Variants in RET observed in about 807,000 individuals in gnomAD.
The protein encoded by RET is ret proto-oncogene.
In RET, 19 loss-of-function variants were observed where a neutral mutation model predicts 118.3. That is an observed-to-expected ratio of 0.16 (90% CI 0.11 to 0.24). RET has a LOEUF of 0.24. Ranked by LOEUF, RET falls within the 10% of genes least tolerant of loss-of-function variation. The probability of loss-of-function intolerance (pLI) is 1.00; values close to 1 mark genes in which losing one functional copy is unlikely to be tolerated. For synonymous variants in RET, 597 were observed against 644.1 expected, an observed-to-expected ratio of 0.93 and a Z score of 1.11; for missense variants, 1,219 against 1,502.1, an observed-to-expected ratio of 0.81 and a Z score of 3.12.
rs749449032 is a variant in RET, at chr10:43,106,560, T to A, written c.1052T>A (p.Val351Glu). The change falls in exon 5 of 20, where the codon GTA (valine) becomes GAA (glutamate). Residue 351 changes from valine to glutamate, a missense_variant. Coordinates refer to ENST00000355710, the MANE Select transcript of RET (RefSeq NM_020975.6). This position sits in a 1 kb window ranked among gnomAD's most constrained non-coding sequence, Gnocchi z 5.1. ...AACGGCAGCTTCGTGCGGGCGACCG[T>A]ACATGACTATAGTAAGAGGGGCTGG... Reference protein sequence around the residue: ...QANGSFVRATVHDYRLVLNRN... With the variant: ...QANGSFVRATEHDYRLVLNRN... 1.2e-6 allele frequency: 2 copies of A among 1,613,250 alleles called. No homozygotes were observed. Among genetic ancestry groups the A allele is most frequent in the East Asian group, 2.2e-5 (1 of 44,854 alleles).
At chr10:43,115,384 A>T (rs1273050749) in intron 11 of RET, among the ~76,000 whole-genome samples, 1 of 152,096 alleles carries the variant, frequency 6.6e-6, no homozygotes, top group East Asian at 1.9e-4. Flanking sequence ...GGGAGGGGCC[A>T]TATCCCACAG....
At chr10:43,126,936 A>C in intron 19 of RET, 1 of 1,430,610 alleles carries the variant, frequency 7.0e-7, no homozygotes, top group Non-Finnish European at 9.1e-7. Flanking sequence ...AATAAGTGTA[A>C]TTACCACATT....
intron 14 of RET, 26 bp downstream of exon 14, chr10:43,119,771 G>T: frequency 6.2e-7 from 1 of 1,606,122 alleles, no homozygotes. Context: ...TCTGCACCCA[G>T]CCAGCCCCGG....
At position 43,127,438 on chromosome 10, in the gene RET, C is replaced by A. The variant is rs559034790; in HGVS notation, c.3188-674C>A. The A allele has an allele frequency of 1.5e-5, 16 of 1,054,810 alleles. No homozygotes were observed. In the South Asian group the frequency reaches 4.5e-4, roughly 30 times the overall value. The allele number at this position is 1,054,810 out of a possible 1,614,324, so 65.3% of individuals were successfully genotyped here. A position where few individuals can be genotyped will look rare whatever the true frequency, so the allele number is the denominator to read the frequency against. On this transcript the variant is annotated intron_variant, in intron 19 of 19. Coordinates refer to ENST00000355710, the MANE Select transcript of RET (RefSeq NM_020975.6). ...CATGGTCTGTGGTGCTGTGGTCTTA[C>A]AATGGACAGTAAATATGGTTCTTGC... is the stretch of plus-strand genomic sequence containing the variant.
rs776073471 is a variant in RET, at chr10:43,116,661, G to A, written c.2214G>A (p.Val738=). The stretch of plus-strand genomic sequence containing the variant: ...TAGGAGAAGGCGAATTTGGAAAAGT[G>A]GTCAAGGCAACGGCCTTCCATCTGA... ...KTLGEGEFGK[V]VKATAFHLKG... The change falls in exon 12 of 20, where the codon GTG becomes GTA. Residue 738 remains valine, a synonymous_variant. Transcript: ENST00000355710. 6.8e-6 allele frequency: 11 copies of A among 1,614,102 alleles called. No homozygotes were observed. The highest frequency in any genetic ancestry group is 3.3e-5 in the Admixed American group (2 of 60,010).
intron 1 of RET, among the ~76,000 whole-genome samples, chr10:43,083,227 C>T (rs1837222454): frequency 6.6e-6 from 1 of 152,174 alleles, no homozygotes; most frequent in Non-Finnish European, 1.5e-5. Flanking sequence ...GCAGGAGACT[C>T]CTCTGGCAGG....
rs59876947 is a variant in RET at position 43,107,559 on chromosome 10, T to TCACACA, written c.1063+1026_1063+1031dup. On this transcript the variant is annotated intron_variant, in intron 5 of 19. Transcript: ENST00000355710. ...ATGTAGACCTTTAACCCCCCATGCC[T>TCACACA]CACACACACACACACACACACACAC... is the stretch of plus-strand genomic sequence containing the variant. 8.4e-3 allele frequency among the ~76,000 whole-genome samples: 1,184 copies of TCACACA among 140,790 alleles called. 9 individuals are homozygous for TCACACA. Among genetic ancestry groups the TCACACA allele is most frequent in the Middle Eastern group, 0.015 (4 of 270 alleles). 92.4% of individuals were successfully genotyped at this position (140,790 alleles called of 152,430 possible). A position where few individuals can be genotyped will look rare whatever the true frequency, so the allele number is the denominator to read the frequency against.
chr10:43,097,248 G>A (rs1564488273), intron 1 of RET, among the ~76,000 whole-genome samples: 1 of 152,240 alleles, frequency 6.6e-6, no homozygotes, highest in Non-Finnish European at 1.5e-5. Flanking sequence ...AGGAGCACCT[G>A]TGGGATTCCC....
In RET at chr10:43,106,205, C is replaced by T. The variant is rs539533811; in HGVS notation, c.868-171C>T. On this transcript the variant is annotated intron_variant, in intron 4 of 19. Coordinates refer to ENST00000355710, the MANE Select transcript of RET (RefSeq NM_020975.6). The surrounding 1 kb of genome is among the most constrained non-coding windows in gnomAD (Gnocchi z 5.1). ...AGGTGACGGCCAGGCTGGCCAGTGACCCCGTGGGAACTTGAACCCAGGTCA... is the reference window on the plus strand; with the variant it reads ...AGGTGACGGCCAGGCTGGCCAGTGATCCCGTGGGAACTTGAACCCAGGTCA... 3.3e-5 allele frequency among the ~76,000 whole-genome samples: 5 copies of T among 152,340 alleles called. No individual in the cohort carries two copies. The highest frequency in any genetic ancestry group is 3.3e-4 in the Admixed American group (5 of 15,308).
intron 15 of RET, among the ~76,000 whole-genome samples, chr10:43,121,438 G>A (rs1030036964): frequency 1.7e-4 from 26 of 152,110 alleles, no homozygotes; most frequent in Admixed American, 1.4e-3. Flanking sequence ...GGGGCTGGGG[G>A]CACTCATTCA....
At chr10:43,096,756 A>T (rs2505536) in intron 1 of RET, among the ~76,000 whole-genome samples, 119,425 of 152,154 alleles carry the variant, frequency 0.78, 47,908 homozygotes, top group African/African-American at 0.95. Flanking sequence ...GGGCCCCTTG[A>T]TCTAGAATTA....
intron 11 of RET, among the ~76,000 whole-genome samples, chr10:43,116,204 T>C (rs887415546): frequency 2.0e-5 from 3 of 152,208 alleles, no homozygotes; most frequent in African/African-American, 7.2e-5. Flanking sequence ...TGGTGGCGCC[T>C]TTCTTTGCAG....
intron 3 of RET, 68 bp downstream of exon 3, chr10:43,102,697 G>A: frequency 6.3e-7 from 1 of 1,583,376 alleles, no homozygotes; most frequent in Non-Finnish European, 8.6e-7. Flanking sequence ...GCGAGCCCTT[G>A]ACACAAGCCA....
In RET at chr10:43,124,917, C is replaced by G; in HGVS notation, c.2974C>G (p.Pro992Ala). 1 of 1,614,200 alleles carries G rather than the reference C, an allele frequency of 6.2e-7. No homozygotes were observed. The highest frequency in any genetic ancestry group is 8.5e-7 in the Non-Finnish European group (1 of 1,180,048). ...RLMLQCWKQEPDKRPVFADIS... is the reference protein window; with the variant it reads ...RLMLQCWKQEADKRPVFADIS... The stretch of plus-strand genomic sequence containing the variant: ...GATGCTGCAATGCTGGAAGCAGGAG[C>G]CGGACAAAAGGCCGGTGTTTGCGGA... Residue 992 changes from proline (P) to alanine (A), a missense_variant, in exon 18 of 20, where the codon CCG becomes GCG. Coordinates refer to ENST00000355710, the MANE Select transcript of RET (RefSeq NM_020975.6).
chr10:43,093,298 T>G (rs1293255221), intron 1 of RET, among the ~76,000 whole-genome samples: 2 of 151,852 alleles, frequency 1.3e-5, no homozygotes, highest in South Asian at 4.2e-4. Flanking sequence ...TGGTCCAGGG[T>G]TGGACAGGGG....
chr10:43,111,459 G>A lies in RET; in HGVS notation c.1516G>A (p.Gly506Arg), dbSNP rs763356763. ...AQAQLLVTVE[G>R]SYVAEEAGCP... Reference sequence around the variant, plus strand: ...GGCCCAGCTGCTTGTAACAGTGGAGGGGTCATGTGAGTGCCTGCTCCAGGG... The same window carrying A: ...GGCCCAGCTGCTTGTAACAGTGGAGAGGTCATGTGAGTGCCTGCTCCAGGG... The change falls in exon 7 of 20, where the codon GGG becomes AGG. Residue 506 changes from glycine (G) to arginine (R), a missense_variant. Around this residue, in one of 5 missense-constraint regions of RET, gnomAD observed 850 missense variants for 969.6 expected, o/e 0.88. Coordinates refer to ENST00000355710, the MANE Select transcript of RET (RefSeq NM_020975.6). The A allele has an allele frequency of 4.3e-6, 7 of 1,611,672 alleles. No individual in the cohort carries two copies. The highest frequency in any genetic ancestry group is 5.1e-6 in the Non-Finnish European group (6 of 1,178,478).
Position 43,123,668 on chromosome 10 carries a change from C to G in RET, c.2802-3C>G, listed in dbSNP as rs754733091. ...CACTCACTGGTCCTTTCACTCTCTG[C>G]AGATGGTCTTTTGGTGTCCTGCTGT... On this transcript the variant is annotated splice_region_variant and splice_polypyrimidine_tract_variant and intron_variant, in intron 16 of 19. Transcript: ENST00000355710. 1 of 1,614,154 alleles carries G rather than the reference C, an allele frequency of 6.2e-7. No individual in the cohort carries two copies. The highest frequency in any genetic ancestry group is 8.5e-7 in the Non-Finnish European group (1 of 1,180,016).
chr10:43,105,178 G>A lies in RET; in HGVS notation c.852G>A (p.Glu284=). The change falls in exon 4 of 20, where the codon GAG becomes GAA. Residue 284 remains glutamate (E), a synonymous_variant. Transcript: ENST00000355710. ...AGVDTASAVV[E]FKRKEDTVVA... Reference sequence around the variant, plus strand: ...TCGACACCGCCAGCGCCGTGGTGGAGTTCAAGCGGAAGGAGGTGCTTGTCC... The same window carrying A: ...TCGACACCGCCAGCGCCGTGGTGGAATTCAAGCGGAAGGAGGTGCTTGTCC... 1.9e-6 allele frequency: 3 copies of A among 1,612,906 alleles called. No individual in the cohort carries two copies. Among genetic ancestry groups the A allele is most frequent in the South Asian group, 2.2e-5 (2 of 91,076 alleles).
In RET at chr10:43,077,339, C is replaced by G. The variant is rs1193805611; in HGVS notation, c.73+8C>G. The G allele has an allele frequency of 4.0e-6, 6 of 1,506,502 alleles. No individual in the cohort carries two copies. The highest frequency in any genetic ancestry group is 5.3e-6 in the Non-Finnish European group (6 of 1,132,960). 93.3% of individuals were successfully genotyped at this position (1,506,502 alleles called of 1,614,324 possible). A position where few individuals can be genotyped will look rare whatever the true frequency, so the allele number is the denominator to read the frequency against. On this transcript the variant is annotated splice_region_variant and intron_variant, in intron 1 of 19. Transcript: ENST00000355710. Reference sequence around the variant, plus strand: ...TGCCGCTGCTAGGCAAAGGTGAGTTCTGCCGGCCGCCGGCTCCCGCAGGGG... The same window carrying G: ...TGCCGCTGCTAGGCAAAGGTGAGTTGTGCCGGCCGCCGGCTCCCGCAGGGG...
Sources: allele counts gnomAD v4.1 joint callset (sites outside exome capture counted in the v4.1 genomes callset), GRCh38; gene constraint gnomAD v4.1.1; regional missense constraint gnomAD v4.1.1; non-coding constraint Gnocchi (gnomAD v3.1); transcripts MANE v1.5; gene names NCBI Gene and HGNC (gene_info 2026-07-23, HGNC 2026-07-21).